PIGN: variants seen among roughly 807,000 people sequenced by gnomAD.
PIGN encodes the protein GPI ethanolamine phosphate transferase 1.
A neutral mutation model predicts 125.4 loss-of-function variants in PIGN; 117 were observed. That is an observed-to-expected ratio of 0.93 (90% confidence interval 0.80 to 1.09). The LOEUF is 1.09. Among genes scored for constraint, PIGN ranks in the 50% least tolerant of loss-of-function variants. The probability of loss-of-function intolerance (pLI) is 0.00; values close to 1 mark genes in which losing one functional copy is unlikely to be tolerated. For missense variants in PIGN, 1,075 were observed against 1,094.9 expected (o/e 0.98, Z 0.26); for synonymous variants, 392 against 377.8 (o/e 1.04, Z -0.44).
chr18:62,091,722 C>T (rs2033970404), intron 23 of PIGN, among the ~76,000 whole-genome samples: 1 of 152,118 alleles, frequency 6.6e-6, no homozygotes, highest in African/African-American at 2.4e-5. Context: ...AAACAGTTTC[C>T]GCTTTGTCTG....
chr18:62,159,877 G>C (rs537976710), intron 4 of PIGN, among the ~76,000 whole-genome samples: 1 of 152,344 alleles, frequency 6.6e-6, no homozygotes, highest in Non-Finnish European at 1.5e-5. Flanking sequence ...CACTTGGGAG[G>C]CTAAGGCAGG....
chr18:62,145,465 C>G (rs1008581746), intron 10 of PIGN, among the ~76,000 whole-genome samples: 3 of 152,150 alleles, frequency 2.0e-5, no homozygotes, highest in Non-Finnish European at 4.4e-5. Context: ...TCAGTACTAC[C>G]TCTTGCTTTT....
chr18:62,145,260 T>C (rs1312110636), intron 10 of PIGN, among the ~76,000 whole-genome samples: 1 of 152,192 alleles, frequency 6.6e-6, no homozygotes, highest in Admixed American at 6.5e-5. Context: ...GGCAGTGTAC[T>C]GGTTACACTG....
At chr18:62,134,810 C>G (rs937221662) in intron 14 of PIGN, among the ~76,000 whole-genome samples, 2 of 152,212 alleles carry the variant, frequency 1.3e-5, no homozygotes, top group Non-Finnish European at 2.9e-5. Context: ...CATGCCACAT[C>G]TGAGGGTGCT....
chr18:62,114,512 C>T, intron 15 of PIGN, 49 bp downstream of exon 15: 2 of 1,164,968 alleles, frequency 1.7e-6, no homozygotes, highest in South Asian at 2.6e-5. Context: ...TCCTCTCCAT[C>T]CCCAAAATGA....
chr18:62,057,811 A>G (rs561641502), intron 30 of PIGN, among the ~76,000 whole-genome samples: 2 of 152,342 alleles, frequency 1.3e-5, no homozygotes, highest in African/African-American at 4.8e-5. Flanking sequence ...CACCCTTGAC[A>G]CAAGTAACTC....
At chr18:62,077,469 A>G (rs959017636) in intron 28 of PIGN, among the ~76,000 whole-genome samples, 1 of 152,222 alleles carries the variant, frequency 6.6e-6, no homozygotes, top group African/African-American at 2.4e-5. Context: ...TTATTTTTCT[A>G]AAGATAATTA....
At chr18:62,053,512 G>A (rs564470449) in intron 30 of PIGN, among the ~76,000 whole-genome samples, 6 of 152,198 alleles carry the variant, frequency 3.9e-5, no homozygotes, top group Middle Eastern at 3.4e-3. Flanking sequence ...TGGTAGAAGA[G>A]AATAAAAAAC....
At chr18:62,084,477 T>C in intron 27 of PIGN, 54 bp downstream of exon 27, 1 of 1,155,344 alleles carries the variant, frequency 8.7e-7, no homozygotes, top group East Asian at 2.6e-5. Flanking sequence ...TAAATGACTT[T>C]ATAATCTTAA....
In PIGN at chr18:62,042,062, T is replaced by G. The variant is rs1414433548; in HGVS notation, c.*3794A>C. 6.6e-6 allele frequency: 1 copy of G among 152,238 alleles called. No individual in the cohort carries two copies. The highest frequency in any genetic ancestry group is 1.5e-5 in the Non-Finnish European group (1 of 68,074). The allele number at this position is 152,238 out of a possible 1,614,324, so 9.4% of individuals were successfully genotyped here. On this transcript the variant is annotated 3_prime_UTR_variant, in exon 31 of 31. Transcript: ENST00000640252. ...TCAGCTGGGTGAGGCAGCTCACGCCTGTAATCCCAGCACTTTGGGAGGCCG... is the reference window on the plus strand; with the variant it reads ...TCAGCTGGGTGAGGCAGCTCACGCCGGTAATCCCAGCACTTTGGGAGGCCG...
intron 30 of PIGN, among the ~76,000 whole-genome samples, chr18:62,064,627 T>A (rs1188372803): frequency 6.6e-6 from 1 of 152,210 alleles, no homozygotes; most frequent in African/African-American, 2.4e-5. Flanking sequence ...TTTCTTCACA[T>A]CATTTCATGA....
At chr18:62,050,869 C>A (rs958095117) in intron 30 of PIGN, among the ~76,000 whole-genome samples, 1 of 151,008 alleles carries the variant, frequency 6.6e-6, no homozygotes, top group South Asian at 2.1e-4. Flanking sequence ...TTTTGAGATA[C>A]GTCCCATCAA....
At chr18:62,060,243 G>T (rs759653671) in intron 30 of PIGN, among the ~76,000 whole-genome samples, 2 of 152,158 alleles carry the variant, frequency 1.3e-5, no homozygotes, top group Admixed American at 1.3e-4. Flanking sequence ...TCAGCTGTTC[G>T]CACTCCCCTC....
chr18:62,037,212 C>A (rs935097304), downstream of PIGN, among the ~76,000 whole-genome samples: 1 of 152,196 alleles, frequency 6.6e-6, no homozygotes. Flanking sequence ...CAGTTGTATA[C>A]CCCTAAGGGA....
At chr18:62,038,308 G>GTTTTTTTTTTTTTTTTTTTTTTT (rs34436733), downstream of PIGN, among the ~76,000 whole-genome samples, 2 of 120,088 alleles carry the variant, frequency 1.7e-5, no homozygotes. Flanking sequence ...CCCCCTCCGT[G>GTTTTTTTTTTTTTTTTTTTTTTT]TTTTTTTTTT....
At chr18:62,075,189 A>T (rs2033107773) in intron 28 of PIGN, 1 of 184,582 alleles carries the variant, frequency 5.4e-6, no homozygotes, top group African/African-American at 2.4e-5. Flanking sequence ...TTGTAAAACC[A>T]TAGTATAATA....
At chr18:62,094,792 T>C (rs193053087) in intron 23 of PIGN, among the ~76,000 whole-genome samples, 1 of 152,278 alleles carries the variant, frequency 6.6e-6, no homozygotes, top group Non-Finnish European at 1.5e-5. Flanking sequence ...TTCAGAGCTG[T>C]GGCCCACATC....
In PIGN at chr18:62,147,071, A is replaced by C. The variant is rs1218953227; in HGVS notation, c.705T>G (p.Asp235Glu). 1 of 1,606,326 alleles carries C rather than the reference A, an allele frequency of 6.2e-7. No individual in the cohort carries two copies. The highest frequency in any genetic ancestry group is 1.7e-5 in the Admixed American group (1 of 59,706). Residue 235 changes from aspartate to glutamate, a missense_variant, in exon 9 of 31, where the codon GAT becomes GAG. Asp to Glu is a conservative substitution (Grantham distance 45). Coordinates refer to ENST00000640252, the MANE Select transcript of PIGN (RefSeq NM_176787.5). ...RDYKHNIKKVDDGVKEIVSMF... is the reference protein window; with the variant it reads ...RDYKHNIKKVEDGVKEIVSMF... ...TAGACACGATTTCTTTAACTCCATC[A>C]TCAACTTTTTTAATATTGTGCTTGT...
intron 10 of PIGN, 30 bp from the exon 11 acceptor site, chr18:62,143,376 A>G: frequency 7.3e-7 from 1 of 1,363,574 alleles, no homozygotes; most frequent in Non-Finnish European, 1.0e-6. Context: ...ACAAGATCTG[A>G]TGTTAAGATT....
Sources: gnomAD v4.1 joint callset for allele counts (sites outside exome capture counted in the v4.1 genomes callset) on GRCh38, gnomAD v4.1.1 for gene constraint, MANE v1.5 for transcripts, NCBI Gene and HGNC (gene_info 2026-07-23, HGNC 2026-07-21) for gene names.